Variants in MELTF observed in about 807,000 individuals in gnomAD.
The protein encoded by MELTF is melanotransferrin.
A neutral mutation model predicts 83.7 loss-of-function variants in MELTF; 67 were observed. The observed-to-expected ratio is 0.80, with a 90% CI of 0.66 to 0.98. The LOEUF (loss-of-function observed/expected upper bound fraction) is 0.98. Ranked by LOEUF, MELTF falls within the 50% of genes least tolerant of loss-of-function variation. The pLI is 0.00. For missense variants in MELTF, 1,002 were observed against 1,035.6 expected (o/e 0.97, Z 0.44); for synonymous variants, 462 against 447.6 (o/e 1.03, Z -0.41).
At chr3:197,009,514 G>A (rs1481244311) in intron 11 of MELTF, 104 bp downstream of exon 11, 2 of 1,175,300 alleles carry the variant, frequency 1.7e-6, no homozygotes, top group Admixed American at 2.4e-5. Context: ...ATATGCAGAA[G>A]CCTGGCCACC....
In MELTF at chr3:197,027,869, G is replaced by T; in HGVS notation, c.91C>A (p.Pro31Thr). Residue 31 changes from proline to threonine, a missense_variant, in exon 2 of 16, where the codon CCA becomes ACA. Transcript: ENST00000296350. ...ATGTTGCCGCACTTGTGCTGCTCTGGGTCCGAGGTGGCGCACCACCGCACC... is the reference window on the plus strand; with the variant it reads ...ATGTTGCCGCACTTGTGCTGCTCTGTGTCCGAGGTGGCGCACCACCGCACC... ...MEVRWCATSD[P>T]EQHKCGNMSE... is the part of the protein sequence containing the mutation. The T allele has an allele frequency of 6.2e-7, 1 of 1,607,748 alleles. No individual in the cohort carries two copies. Among genetic ancestry groups the T allele is most frequent in the South Asian group, 1.1e-5 (1 of 90,566 alleles).
At position 197,022,657 on chromosome 3, in the gene MELTF, G is replaced by A. The variant is rs1427030814; in HGVS notation, c.644+300C>T. On this transcript the variant is annotated intron_variant, in intron 5 of 15. Transcript: ENST00000296350. The surrounding 1 kb of genome is among the most constrained non-coding windows in gnomAD (Gnocchi z 5.1). ...CCCTGACCCCGCTCCCTGCTGGTCT[G>A]AGAATGGGGACATGGGAGTGGCCAA... is the stretch of plus-strand genomic sequence containing the variant. 6.6e-6 allele frequency among the ~76,000 whole-genome samples: 1 copy of A among 152,200 alleles called. No individual in the cohort carries two copies. The highest frequency in any genetic ancestry group is 1.5e-5 in the Non-Finnish European group (1 of 68,044).
chr3:197,018,735 G>A lies in MELTF; in HGVS notation c.713-1445C>T, dbSNP rs145716279. Among the ~76,000 whole-genome samples the A allele has an allele frequency of 2.4e-3, 369 of 152,294 alleles. 1 individual carries two copies. The highest frequency in any genetic ancestry group is 8.3e-3 in the African/African-American group (345 of 41,562). On this transcript the variant is annotated intron_variant, in intron 6 of 15. Transcript: ENST00000296350. ...GCTGGGATTACAGGCGTGAGGCACC[G>A]TGCCCAGCCTCCTTTTGACCGCTTT...
rs866062482 is a variant in MELTF at position 197,008,707 on chromosome 3, G to A, written c.1700C>T (p.Ala567Val). The change falls in exon 13 of 16, where the codon GCG (alanine) becomes GTG (valine). Residue 567 changes from alanine to valine, a missense_variant. Ala to Val is a moderately conservative substitution (Grantham distance 64). Transcript: ENST00000296350. This position sits in a 1 kb window ranked among gnomAD's most constrained non-coding sequence, Gnocchi z 5.4. ...RGAFRCLVEN[A>V]GDVAFVRHTT... ...GTGCCTGACGAAGGCAACGTCACCC[G>A]CATTCTCCACCAGGCACCTGCCACA... 5.6e-6 allele frequency: 9 copies of A among 1,614,044 alleles called. No homozygotes were observed. Among genetic ancestry groups the A allele is most frequent in the South Asian group, 1.1e-5 (1 of 91,070 alleles).
At position 197,029,751 on chromosome 3, in the gene MELTF, GAGGA is replaced by G; in HGVS notation, c.-53_-50del. The G allele has an allele frequency of 8.4e-7, 1 of 1,189,178 alleles. No homozygotes were observed. Among genetic ancestry groups the G allele is most frequent in the Non-Finnish European group, 1.1e-6 (1 of 949,480 alleles). 73.7% of individuals were successfully genotyped at this position (1,189,178 alleles called of 1,614,324 possible). On this transcript the variant is annotated 5_prime_UTR_variant, in exon 1 of 16. Transcript: ENST00000296350. This position sits in a 1 kb window ranked among gnomAD's most constrained non-coding sequence, Gnocchi z 6.5. ...CCGGGCTGGGGCTGGGTCCGGGTCCGAGGAGGTCCGCAGCAGCCGGGCTTCCTCC... is the reference window on the plus strand; with the variant it reads ...CCGGGCTGGGGCTGGGTCCGGGTCCGGGTCCGCAGCAGCCGGGCTTCCTCC...
chr3:197,017,644 G>A (rs865978254), intron 6 of MELTF, among the ~76,000 whole-genome samples: 7 of 152,276 alleles, frequency 4.6e-5, no homozygotes, highest in South Asian at 2.1e-4. Context: ...TTGGGAGGCC[G>A]AGGTGGGCGG....
Position 197,023,070 on chromosome 3 carries a change from T to G in MELTF, c.531A>C (p.Gly177=). The G allele has an allele frequency of 1.2e-6, 2 of 1,613,816 alleles. No individual in the cohort carries two copies. The highest frequency in any genetic ancestry group is 1.7e-6 in the Non-Finnish European group (2 of 1,180,012). ...YFGGSCVPGA[G]ETSYSESLCR... is the part of the protein sequence containing the mutation. The stretch of plus-strand genomic sequence containing the variant: ...AGAGGGACTCAGAGTAACTGGTCTC[T>G]CCTGCCCCCGGGACGCAGCTGCCCC... Residue 177 remains glycine (G), a synonymous_variant, in exon 5 of 16, where the codon GGA becomes GGC. Transcript: ENST00000296350.
chr3:197,003,775 C>A lies in MELTF; in HGVS notation c.2137+126G>T, dbSNP rs547623592. ...GCCAAAATCCTCCCGGGACACCCCA[C>A]CTGGACTGCTGCGAACGGGCCTCCA... On this transcript the variant is annotated intron_variant, in intron 15 of 15. Coordinates refer to ENST00000296350, the MANE Select transcript of MELTF (RefSeq NM_005929.6). This position sits in a 1 kb window ranked among gnomAD's most constrained non-coding sequence, Gnocchi z 6.2. 3 of 1,039,000 alleles carry A rather than the reference C, an allele frequency of 2.9e-6. No individual in the cohort carries two copies. The South Asian group carries it at 4.7e-5, about 16-fold the overall frequency. 64.4% of individuals were successfully genotyped at this position (1,039,000 alleles called of 1,614,324 possible).
rs1011008896 is a variant in MELTF at position 197,011,911 on chromosome 3, G to A, written c.1234-1117C>T. Among the ~76,000 whole-genome samples the A allele has an allele frequency of 6.6e-6, 1 of 152,172 alleles. No homozygotes were observed. Among genetic ancestry groups the A allele is most frequent in the African/African-American group, 2.4e-5 (1 of 41,442 alleles). ...CCGTGGCCCTCTGTGAGCCCAGATTGAGAGGAGGCTGTCACTCAGAGGGAG... is the reference window on the plus strand; with the variant it reads ...CCGTGGCCCTCTGTGAGCCCAGATTAAGAGGAGGCTGTCACTCAGAGGGAG... On this transcript the variant is annotated intron_variant, in intron 9 of 15. Transcript: ENST00000296350. This position sits in a 1 kb window ranked among gnomAD's most constrained non-coding sequence, Gnocchi z 4.2.
intron 14 of MELTF, 160 bp from the exon 15 acceptor site, chr3:197,004,259 A>T: frequency 1.4e-6 from 1 of 724,432 alleles, no homozygotes. Flanking sequence ...TTGACAACTG[A>T]TTGGCCTCTG....
rs1719996160 is a variant in MELTF at position 197,029,429 on chromosome 3, C to T, written c.49+225G>A. 5.1e-6 allele frequency: 2 copies of T among 392,778 alleles called. No homozygotes were observed. Among genetic ancestry groups the T allele is most frequent in the East Asian group, 3.6e-5 (1 of 27,450 alleles). The allele number at this position is 392,778 out of a possible 1,614,324, so 24.3% of individuals were successfully genotyped here. ...CTTCTCCTTGGAGCGTCGGAAGCCT[C>T]GGGTGTTCGAGGCCGCCTCCTCCAA... On this transcript the variant is annotated intron_variant, in intron 1 of 15. Coordinates refer to ENST00000296350, the MANE Select transcript of MELTF (RefSeq NM_005929.6). This position sits in a 1 kb window ranked among gnomAD's most constrained non-coding sequence, Gnocchi z 6.5.
chr3:197,023,744 C>G, intron 4 of MELTF: 1 of 443,026 alleles, frequency 2.3e-6, no homozygotes, highest in Non-Finnish European at 4.5e-6. Context: ...TGTGACCTCC[C>G]AGAGGAGTAG....
In MELTF at chr3:197,021,432, C is replaced by T; in HGVS notation, c.684G>A (p.Lys228=). 6.2e-7 allele frequency: 1 copy of T among 1,614,124 alleles called. No homozygotes were observed. Residue 228 remains lysine, a synonymous_variant, in exon 6 of 16, where the codon AAG becomes AAA. Transcript: ENST00000296350. ...AEGAGDVAFV[K]HSTVLENTDG... is the part of the protein sequence containing the mutation. ...CCGTGTTCTCCAGTACCGTGCTGTG[C>T]TTCACAAAAGCCACGTCCCCTGCCC...
At chr3:197,016,011 C>A (rs183778018) in intron 8 of MELTF, among the ~76,000 whole-genome samples, 178 bp downstream of exon 8, 1 of 152,276 alleles carries the variant, frequency 6.6e-6, no homozygotes, top group East Asian at 1.9e-4. Context: ...TACAACAGGC[C>A]ATACAGTGGA....
At chr3:197,026,463 T>C in intron 3 of MELTF, 197 bp downstream of exon 3, 2 of 587,478 alleles carry the variant, frequency 3.4e-6, no homozygotes, top group Non-Finnish European at 6.1e-6. Context: ...AGAGCAGACT[T>C]GGGGCAGCTC....
Position 197,006,616 on chromosome 3 carries a change from GGTGGTATCT to G in MELTF, c.1862_1870del (p.Gln621_Pro623del), listed in dbSNP as rs1560210232. ...GTCGGGCCGGACCATCACGGCGTGGGGTGGTATCTGTGCCAGGTTGCAGGCTGCAAACTG... is the reference window on the plus strand; with the variant it reads ...GTCGGGCCGGACCATCACGGCGTGGGGTGCCAGGTTGCAGGCTGCAAACTG... On this transcript the variant is annotated inframe_deletion, in exon 14 of 16. Coordinates refer to ENST00000296350, the MANE Select transcript of MELTF (RefSeq NM_005929.6). The surrounding 1 kb of genome is among the most constrained non-coding windows in gnomAD (Gnocchi z 5.4). 3 of 1,613,458 alleles carry G rather than the reference GGTGGTATCT, an allele frequency of 1.9e-6. No homozygotes were observed. Among genetic ancestry groups the G allele is most frequent in the Non-Finnish European group, 2.5e-6 (3 of 1,179,666 alleles).
At chr3:197,025,428 A>T (rs924434987) in intron 3 of MELTF, 1 of 151,910 alleles carries the variant, frequency 6.6e-6, no homozygotes, top group African/African-American at 2.4e-5. Flanking sequence ...CTTACCCATC[A>T]CCTCTGCAGA....
At chr3:197,018,204 G>A (rs778488171) in intron 6 of MELTF, among the ~76,000 whole-genome samples, 1 of 152,168 alleles carries the variant, frequency 6.6e-6, no homozygotes, top group Non-Finnish European at 1.5e-5. Context: ...CTGGAGTGCA[G>A]TGGCACGATC....
At chr3:197,020,817 C>T (rs1305746036) in intron 6 of MELTF, among the ~76,000 whole-genome samples, 4 of 152,078 alleles carry the variant, frequency 2.6e-5, no homozygotes, top group Non-Finnish European at 5.9e-5. Flanking sequence ...TTGAGGCACC[C>T]ACCACCACGC....
Sources: allele counts gnomAD v4.1 joint callset (sites outside exome capture counted in the v4.1 genomes callset), GRCh38; gene constraint gnomAD v4.1.1; non-coding constraint Gnocchi (gnomAD v3.1); transcripts MANE v1.5; gene names NCBI Gene and HGNC (gene_info 2026-07-23, HGNC 2026-07-21).